KCNQ2: variants seen among roughly 807,000 people sequenced by gnomAD.
KCNQ2 encodes potassium voltage-gated channel subfamily KQT member 2.
A neutral mutation model predicts 84.8 loss-of-function variants in KCNQ2; 14 were observed. The observed-to-expected ratio is 0.17, with a 90% CI of 0.11 to 0.26. The LOEUF is 0.26. Ranked by LOEUF, KCNQ2 falls within the 10% of genes least tolerant of loss-of-function variation. KCNQ2 has a pLI of 1.00. For synonymous variants in KCNQ2, 599 were observed against 554.1 expected, an observed-to-expected ratio of 1.08 and a Z score of -1.14; for missense variants, 788 against 1,254.0, an observed-to-expected ratio of 0.63 and a Z score of 5.61.
chr20:63,454,794 G>C (rs922279890), intron 1 of KCNQ2, among the ~76,000 whole-genome samples: 1 of 152,220 alleles, frequency 6.6e-6, no homozygotes, highest in Non-Finnish European at 1.5e-5. Flanking sequence ...GGCTCCCCGG[G>C]AACACTGGGA....
intron 15 of KCNQ2, among the ~76,000 whole-genome samples, chr20:63,410,606 C>G (rs890003435): frequency 3.9e-5 from 6 of 152,192 alleles, no homozygotes; most frequent in Non-Finnish European, 7.3e-5. Context: ...AAACTCCGTC[C>G]GGGGCTACCC....
intron 1 of KCNQ2, among the ~76,000 whole-genome samples, chr20:63,455,713 C>T (rs1333545421): frequency 6.6e-6 from 1 of 151,862 alleles, no homozygotes; most frequent in Admixed American, 6.6e-5. Flanking sequence ...AGTCCTGGGG[C>T]CCCCACGCTG....
chr20:63,462,996 G>A (rs1319632269), intron 1 of KCNQ2, among the ~76,000 whole-genome samples: 2 of 152,148 alleles, frequency 1.3e-5, no homozygotes, highest in Non-Finnish European at 2.9e-5. Context: ...CGCAGAGGGG[G>A]CAAATCATAC....
At chr20:63,458,256 T>C (rs1444940926) in intron 1 of KCNQ2, among the ~76,000 whole-genome samples, 1 of 152,028 alleles carries the variant, frequency 6.6e-6, no homozygotes, top group East Asian at 1.9e-4. Flanking sequence ...CCCAGAAGCA[T>C]GTGGAGAAGC....
At chr20:63,450,023 C>T (rs1484386315) in intron 1 of KCNQ2, among the ~76,000 whole-genome samples, 1 of 152,038 alleles carries the variant, frequency 6.6e-6, no homozygotes, top group African/African-American at 2.4e-5. Flanking sequence ...TGCCTGCGCC[C>T]CTGGAACCCG....
chr20:63,438,479 C>T lies in KCNQ2; in HGVS notation c.1023+146G>A. 6.8e-6 allele frequency: 5 copies of T among 739,640 alleles called. No homozygotes were observed. Among genetic ancestry groups the T allele is most frequent in the South Asian group, 2.9e-5 (2 of 68,894 alleles). The allele number at this position is 739,640 out of a possible 1,614,324, so 45.8% of individuals were successfully genotyped here. On this transcript the variant is annotated intron_variant, in intron 7 of 16. Coordinates refer to ENST00000359125, the MANE Select transcript of KCNQ2 (RefSeq NM_172107.4). This position sits in a 1 kb window ranked among gnomAD's most constrained non-coding sequence, Gnocchi z 5.1. Reference sequence around the variant, plus strand: ...TCTCAACACACACACTTCACATCCTCGCTCCTTCCACAGATTCCTGCAGAG... The same window carrying T: ...TCTCAACACACACACTTCACATCCTTGCTCCTTCCACAGATTCCTGCAGAG...
intron 1 of KCNQ2, among the ~76,000 whole-genome samples, chr20:63,448,873 A>G (rs922261084): frequency 1.3e-5 from 2 of 151,982 alleles, no homozygotes; most frequent in Non-Finnish European, 2.9e-5. Context: ...CCCCCTCATC[A>G]TTGGAGCTTC....
intron 5 of KCNQ2, 68 bp downstream of exon 5, chr20:63,442,338 C>T: frequency 1.2e-6 from 2 of 1,611,814 alleles, no homozygotes; most frequent in Non-Finnish European, 1.7e-6. Flanking sequence ...CCAGTGAGAG[C>T]CTGGTCCCAG....
At chr20:63,435,008 A>G (rs111804929) in intron 7 of KCNQ2, among the ~76,000 whole-genome samples, 1 of 152,178 alleles carries the variant, frequency 6.6e-6, no homozygotes, top group Non-Finnish European at 1.5e-5. Flanking sequence ...CTGAGAAACA[A>G]CCGAACTGCT....
intron 14 of KCNQ2, 91 bp from the exon 15 acceptor site, chr20:63,413,672 G>A (rs928388605): frequency 1.9e-5 from 28 of 1,461,834 alleles, no homozygotes; most frequent in East Asian, 1.6e-4. Context: ...AGACCTCGGC[G>A]CCTGGAGATG....
chr20:63,407,141 G>A lies in KCNQ2; in HGVS notation c.2122C>T (p.Pro708Ser). The change falls in exon 17 of 17, where the codon CCC becomes TCC. Residue 708 changes from proline to serine, a missense_variant. By Grantham distance (74) the Pro-to-Ser change is moderately conservative. Around this residue, in one of 8 missense-constraint regions of KCNQ2, gnomAD observed 378 missense variants for 434.5 expected, o/e 0.87. Transcript: ENST00000359125. This position sits in a 1 kb window ranked among gnomAD's most constrained non-coding sequence, Gnocchi z 7.2. ...GTGGAGGGCGGACACTGGACAGGGG[G>A]CGCGGCCGGGGGCGCCGAGAAGTTC... ...QKNFSAPPAA[P>S]PVQCPPSTSW... 1 of 1,570,406 alleles carries A rather than the reference G, an allele frequency of 6.4e-7. No homozygotes were observed. Among genetic ancestry groups the A allele is most frequent in the Non-Finnish European group, 8.6e-7 (1 of 1,161,742 alleles).
chr20:63,451,560 G>A (rs988681842), intron 1 of KCNQ2, among the ~76,000 whole-genome samples: 2 of 152,116 alleles, frequency 1.3e-5, no homozygotes, highest in Non-Finnish European at 2.9e-5. Context: ...ACAAACCCGC[G>A]TGGACCTCGT....
rs1244718766 is a variant in KCNQ2 at position 63,405,243 on chromosome 20, G to C, written c.*1401C>G. ...ACGACCCCAGCCCTGCTCACTCCCA[G>C]GGAGGCCACTCTCCAGGGAGCCCAG... On this transcript the variant is annotated 3_prime_UTR_variant, in exon 17 of 17. Transcript: ENST00000359125. 2.0e-5 allele frequency: 3 copies of C among 152,290 alleles called. No individual in the cohort carries two copies. Among genetic ancestry groups the C allele is most frequent in the African/African-American group, 4.8e-5 (2 of 41,460 alleles). 9.4% of individuals were successfully genotyped at this position (152,290 alleles called of 1,614,324 possible).
intron 10 of KCNQ2, among the ~76,000 whole-genome samples, chr20:63,427,375 C>T (rs1209434187): frequency 6.6e-6 from 1 of 152,262 alleles, no homozygotes. Flanking sequence ...GTTCTGATGT[C>T]ACACCCGCGC....
At chr20:63,417,816 C>T (rs1444766053) in intron 12 of KCNQ2, among the ~76,000 whole-genome samples, 1 of 152,232 alleles carries the variant, frequency 6.6e-6, no homozygotes, top group Non-Finnish European at 1.5e-5. Context: ...GAGCCACAGC[C>T]CCGCCAGCGG....
At position 63,446,880 on chromosome 20, in the gene KCNQ2, G is replaced by A; in HGVS notation, c.297-43C>T. The A allele has an allele frequency of 6.5e-7, 1 of 1,541,710 alleles. No homozygotes were observed. Among genetic ancestry groups the A allele is most frequent in the Non-Finnish European group, 9.0e-7 (1 of 1,114,900 alleles). Reference sequence around the variant, plus strand: ...GCGCTCTCAGACAGGCCGCAGCAGGGCAGCAGCATGGCTGTGTCTCCAGAA... The same window carrying A: ...GCGCTCTCAGACAGGCCGCAGCAGGACAGCAGCATGGCTGTGTCTCCAGAA... On this transcript the variant is annotated intron_variant, in intron 1 of 16. Coordinates refer to ENST00000359125, the MANE Select transcript of KCNQ2 (RefSeq NM_172107.4). The surrounding 1 kb of genome is among the most constrained non-coding windows in gnomAD (Gnocchi z 5.5).
At chr20:63,468,969 G>A (rs1287839536) in intron 1 of KCNQ2, among the ~76,000 whole-genome samples, 1 of 152,230 alleles carries the variant, frequency 6.6e-6, no homozygotes, top group Non-Finnish European at 1.5e-5. Context: ...CCTCTGGCAG[G>A]CTGTAACTAA....
At position 63,472,133 on chromosome 20, in the gene KCNQ2, TGGGGGTCGCCACGGGG is replaced by T. The variant is rs1568986017; in HGVS notation, c.296+19_296+34del. The T allele has an allele frequency of 6.9e-7, 1 of 1,441,600 alleles. No homozygotes were observed. Among genetic ancestry groups the T allele is most frequent in the South Asian group, 1.4e-5 (1 of 72,024 alleles). The allele number at this position is 1,441,600 out of a possible 1,614,324, so 89.3% of individuals were successfully genotyped here. A position where few individuals can be genotyped will look rare whatever the true frequency, so the allele number is the denominator to read the frequency against. ...ATGGGGTCGCCGATGGGGGTCGCCATGGGGGTCGCCACGGGGGCCCCGCCGGCCACTCACACGTAGG... is the reference window on the plus strand; with the variant it reads ...ATGGGGTCGCCGATGGGGGTCGCCATGCCCCGCCGGCCACTCACACGTAGG... On this transcript the variant is annotated intron_variant, in intron 1 of 16. Coordinates refer to ENST00000359125, the MANE Select transcript of KCNQ2 (RefSeq NM_172107.4).
Position 63,446,241 on chromosome 20 carries a change from G to A in KCNQ2, c.387+506C>T. On this transcript the variant is annotated intron_variant, in intron 2 of 16. Transcript: ENST00000359125. The surrounding 1 kb of genome is among the most constrained non-coding windows in gnomAD (Gnocchi z 5.5). The stretch of plus-strand genomic sequence containing the variant: ...CCAGAACAGAGGAGCAGGGCGGGCA[G>A]TAGAGGGAGGTGCATTTGGATGGGG... 7.8e-6 allele frequency: 2 copies of A among 255,910 alleles called. No homozygotes were observed. Among genetic ancestry groups the A allele is most frequent in the South Asian group, 8.8e-5 (2 of 22,724 alleles). 15.9% of individuals were successfully genotyped at this position (255,910 alleles called of 1,614,324 possible).
Sources: gnomAD v4.1 joint callset for allele counts (sites outside exome capture counted in the v4.1 genomes callset) on GRCh38, gnomAD v4.1.1 for gene constraint, gnomAD v4.1.1 regional missense constraint, Gnocchi (gnomAD v3.1) non-coding constraint, MANE v1.5 for transcripts, NCBI Gene and HGNC (gene_info 2026-07-23, HGNC 2026-07-21) for gene names.